Variants in ROBO2 observed in about 807,000 individuals in gnomAD.
The protein encoded by ROBO2 is roundabout homolog 2.
ROBO2 carries 53 observed loss-of-function variants against 160.8 expected under a neutral mutation model. The observed-to-expected ratio is 0.33, with a 90% CI of 0.26 to 0.41. ROBO2 has a LOEUF of 0.41. Ranked by LOEUF, ROBO2 falls within the 10% of genes least tolerant of loss-of-function variation. The pLI, the probability that ROBO2 is intolerant of heterozygous loss-of-function variation, is 1.00. For synonymous variants in ROBO2, 664 were observed against 611.7 expected, an observed-to-expected ratio of 1.09 and a Z score of -1.26; for missense variants, 1,577 against 1,722.4, an observed-to-expected ratio of 0.92 and a Z score of 1.49.
intron 2 of ROBO2, among the ~76,000 whole-genome samples, chr3:77,344,124 G>A (rs1168343693): frequency 6.6e-6 from 1 of 152,108 alleles, no homozygotes; most frequent in Non-Finnish European, 1.5e-5. Context: ...GCTACCGTGA[G>A]CCTCCTTTTA....
chr3:76,771,525 A>G (rs1056993300), intron 2 of ROBO2, among the ~76,000 whole-genome samples: 19 of 151,118 alleles, frequency 1.3e-4, no homozygotes, highest in African/African-American at 4.1e-4. Flanking sequence ...TCTTAAAACA[A>G]CTCCTCAAAA....
At chr3:76,523,336 C>A (rs531220953) in intron 2 of ROBO2, among the ~76,000 whole-genome samples, 1 of 152,162 alleles carries the variant, frequency 6.6e-6, no homozygotes, top group East Asian at 1.9e-4. Context: ...CCCATTCTGT[C>A]TTTAATTTTA....
chr3:77,537,788 G>A (rs1324274112), intron 6 of ROBO2, among the ~76,000 whole-genome samples: 1 of 152,158 alleles, frequency 6.6e-6, no homozygotes, highest in African/African-American at 2.4e-5. Flanking sequence ...TTAAATGGTG[G>A]TGGCAAGAGA....
At chr3:77,011,291 T>C (rs549584693) in intron 2 of ROBO2, among the ~76,000 whole-genome samples, 2 of 152,178 alleles carry the variant, frequency 1.3e-5, no homozygotes, top group African/African-American at 4.8e-5. Flanking sequence ...TAGTTCAGGG[T>C]CTCCCCTATA....
At chr3:76,395,971 A>G (rs1415070611) in intron 2 of ROBO2, among the ~76,000 whole-genome samples, 1 of 152,192 alleles carries the variant, frequency 6.6e-6, no homozygotes, top group Non-Finnish European at 1.5e-5. Context: ...ACCTCATTTT[A>G]TGAGGCCAGC....
At chr3:76,955,232 T>A (rs2079174511) in intron 2 of ROBO2, among the ~76,000 whole-genome samples, 1 of 152,232 alleles carries the variant, frequency 6.6e-6, no homozygotes, top group Admixed American at 6.5e-5. Context: ...AATAATATTC[T>A]ATTATATGTG....
intron 2 of ROBO2, among the ~76,000 whole-genome samples, chr3:76,936,269 T>C (rs2077694743): frequency 6.6e-6 from 1 of 152,152 alleles, no homozygotes; most frequent in Non-Finnish European, 1.5e-5. Flanking sequence ...TAGATAGATA[T>C]GTAGTAGCTT....
At chr3:76,513,107 A>C (rs558486544) in intron 2 of ROBO2, among the ~76,000 whole-genome samples, 1 of 152,216 alleles carries the variant, frequency 6.6e-6, no homozygotes, top group Admixed American at 6.5e-5. Context: ...TGATCAAGGA[A>C]GTTCTCTTGA....
rs548188158 is a variant in ROBO2, at chr3:76,692,097, A to C, written c.110-405917A>C. On this transcript the variant is annotated intron_variant, in intron 2 of 26. Coordinates refer to the ROBO2 transcript ENST00000487694. ...GGGAGAAGAATGGAGATGTAGGAGAAGAGACGAAAAGAGAGACTAGATGAC... is the reference window on the plus strand; with the variant it reads ...GGGAGAAGAATGGAGATGTAGGAGACGAGACGAAAAGAGAGACTAGATGAC... Among the ~76,000 whole-genome samples the C allele has an allele frequency of 6.2e-4, 95 of 152,024 alleles. 3 individuals are homozygous for C. The South Asian group carries it at 0.019, about 30-fold the overall frequency.
At chr3:77,104,699 G>A (rs955618105) in intron 2 of ROBO2, among the ~76,000 whole-genome samples, 19 of 151,928 alleles carry the variant, frequency 1.3e-4, no homozygotes, top group African/African-American at 4.6e-4. Flanking sequence ...GTGCATTGAA[G>A]TAACTGTATC....
In ROBO2 at chr3:77,492,074, A is replaced by T. The variant is rs145415379; in HGVS notation, c.668-1170A>T. On this transcript the variant is annotated intron_variant, in intron 4 of 25. Transcript: ENST00000461745. The stretch of plus-strand genomic sequence containing the variant: ...TACATTTTAGTTTTTGTGCCACTGT[A>T]TACAAAATTTTAAATTAGAAGGTTT... Among the ~76,000 whole-genome samples the T allele has an allele frequency of 7.6e-3, 1,154 of 152,290 alleles. 20 individuals are homozygous for T. Among genetic ancestry groups the T allele is most frequent in the African/African-American group, 0.026 (1,097 of 41,554 alleles).
intron 2 of ROBO2, among the ~76,000 whole-genome samples, chr3:76,698,129 T>TGGAAGAATTGGATGTAGAATGCCTGTAGA (rs1460895738): frequency 1.7e-4 from 26 of 152,132 alleles, no homozygotes; most frequent in South Asian, 6.2e-4. Flanking sequence ...ATTCACTGGT[T>TGGAAGAATTGGATGTAGAATGCCTGTAGA]AGGCTTTTTC....
At chr3:76,760,830 T>C (rs989247895) in intron 2 of ROBO2, among the ~76,000 whole-genome samples, 1 of 151,820 alleles carries the variant, frequency 6.6e-6, no homozygotes, top group African/African-American at 2.4e-5. Flanking sequence ...TTTAGAGTTA[T>C]ATGAATTATT....
intron 2 of ROBO2, among the ~76,000 whole-genome samples, chr3:76,173,073 G>A (rs1366484467): frequency 1.3e-5 from 2 of 151,908 alleles, no homozygotes; most frequent in Non-Finnish European, 2.9e-5. Flanking sequence ...GGCGTAAGGT[G>A]ATGGGCATTA....
chr3:77,425,953 G>A (rs1004597605), intron 2 of ROBO2, among the ~76,000 whole-genome samples: 1 of 152,094 alleles, frequency 6.6e-6, no homozygotes, highest in African/African-American at 2.4e-5. Context: ...ATGAGCCACA[G>A]CGCCCAGCCC....
At chr3:77,199,769 T>A (rs1040537856) in intron 2 of ROBO2, among the ~76,000 whole-genome samples, 1 of 149,924 alleles carries the variant, frequency 6.7e-6, no homozygotes, top group African/African-American at 2.4e-5. Flanking sequence ...ACAACACGCT[T>A]GTGCCACCGT....
chr3:77,574,627 C>T (rs781426684), exon 14 of ROBO2: 3 of 1,613,226 alleles, frequency 1.9e-6, no homozygotes, highest in Non-Finnish European at 2.5e-6. Flanking sequence ...CTGTCTTAGT[C>T]AACCTGAAAA....
At chr3:77,284,227 C>A (rs1037194718) in intron 2 of ROBO2, among the ~76,000 whole-genome samples, 3 of 152,106 alleles carry the variant, frequency 2.0e-5, no homozygotes, top group Admixed American at 6.5e-5. Flanking sequence ...TTACCAAGCC[C>A]TAAGTGAGAT....
intron 2 of ROBO2, among the ~76,000 whole-genome samples, chr3:77,372,310 AATCAAT>A (rs1403444386): frequency 1.3e-5 from 2 of 152,300 alleles, no homozygotes; most frequent in Admixed American, 1.3e-4. Flanking sequence ...GAGATGCATA[AATCAAT>A]ATCGTCTCTA....
Sources: allele counts gnomAD v4.1 joint callset (sites outside exome capture counted in the v4.1 genomes callset), GRCh38; gene constraint gnomAD v4.1.1; transcripts MANE v1.5; gene names NCBI Gene and HGNC (gene_info 2026-07-23, HGNC 2026-07-21).